ARAP2: variants seen among roughly 807,000 people sequenced by gnomAD.
ARAP2 encodes ArfGAP with RhoGAP domain, ankyrin repeat and PH domain 2, also known as arf-GAP with Rho-GAP domain, ANK repeat and PH domain-containing protein 2.
A neutral mutation model predicts 194.5 loss-of-function variants in ARAP2; 148 were observed. The observed-to-expected ratio is 0.76, with a 90% confidence interval of 0.67 to 0.87. ARAP2 has a LOEUF of 0.87. Ranked by LOEUF, ARAP2 falls within the 40% of genes least tolerant of loss-of-function variation. The pLI is 0.00. For synonymous variants in ARAP2, 695 were observed against 683.5 expected (o/e 1.02, Z -0.26); for missense variants, 2,128 against 1,989.7 (o/e 1.07, Z -1.32).
intron 16 of ARAP2, among the ~76,000 whole-genome samples, chr4:36,148,889 T>C (rs1730282211): frequency 6.6e-6 from 1 of 152,088 alleles, no homozygotes; most frequent in Admixed American, 6.6e-5. Context: ...ACCCTCTTCT[T>C]TTCTAACTTC....
intron 3 of ARAP2, among the ~76,000 whole-genome samples, 189 bp from the exon 4 acceptor site, chr4:36,213,508 C>T (rs1747226197): frequency 6.6e-6 from 1 of 152,098 alleles, no homozygotes; most frequent in African/African-American, 2.4e-5. Flanking sequence ...ATATAACACA[C>T]ATGGTATCCA....
intron 15 of ARAP2, among the ~76,000 whole-genome samples, chr4:36,156,978 T>C (rs1732714308): frequency 6.6e-6 from 1 of 152,238 alleles, no homozygotes; most frequent in African/African-American, 2.4e-5. Flanking sequence ...TAGTTACAAT[T>C]GTTTATTACA....
In ARAP2 at chr4:36,210,427, CCTT is replaced by C. The variant is rs1560675865; in HGVS notation, c.1447_1449del (p.Lys483del). The C allele has an allele frequency of 1.2e-6, 2 of 1,613,274 alleles. No homozygotes were observed. On this transcript the variant is annotated inframe_deletion, in exon 6 of 33. Transcript: ENST00000303965. The stretch of plus-strand genomic sequence containing the variant: ...AGTTTATCCAGCCATCCTGATTTAA[CCTT>C]CTTTGCAGATGCTCCATAAAAGCAG...
At chr4:36,227,278 G>A (rs1465076483) in intron 2 of ARAP2, among the ~76,000 whole-genome samples, 2 of 152,032 alleles carry the variant, frequency 1.3e-5, no homozygotes, top group Non-Finnish European at 2.9e-5. Flanking sequence ...GATAACTCCT[G>A]CAAAATTATA....
intron 2 of ARAP2, among the ~76,000 whole-genome samples, chr4:36,215,332 C>T (rs1030468707): frequency 3.3e-5 from 5 of 152,222 alleles, no homozygotes; most frequent in East Asian, 1.9e-4. Flanking sequence ...CGAAGAAATG[C>T]GGTGGAAAAA....
At chr4:36,136,819 G>A (rs1395100168) in intron 19 of ARAP2, among the ~76,000 whole-genome samples, 3 of 75,384 alleles carry the variant, frequency 4.0e-5, no homozygotes, top group Admixed American at 3.2e-4. Flanking sequence ...GTGTGTGTGT[G>A]CGTGTCTGTG....
intron 27 of ARAP2, among the ~76,000 whole-genome samples, chr4:36,103,292 C>A (rs908954549): frequency 8.6e-5 from 13 of 151,670 alleles, no homozygotes; most frequent in African/African-American, 3.1e-4. Context: ...CCATTTAGAT[C>A]ATTAAAATTT....
chr4:36,057,148 G>A (rs1488496027), intron 2 of ARAP2, among the ~76,000 whole-genome samples: 1 of 151,064 alleles, frequency 6.6e-6, no homozygotes, highest in Admixed American at 6.6e-5. Context: ...TAAGGGATAT[G>A]GAATTCTAGT....
intron 6 of ARAP2, among the ~76,000 whole-genome samples, chr4:36,199,628 C>G (rs1424242300): frequency 6.6e-6 from 1 of 152,146 alleles, no homozygotes; most frequent in African/African-American, 2.4e-5. Context: ...ACCCTTAACC[C>G]CACCTCCCAG....
chr4:36,152,955 T>C (rs1456802274), intron 15 of ARAP2, among the ~76,000 whole-genome samples: 1 of 152,166 alleles, frequency 6.6e-6, no homozygotes, highest in African/African-American at 2.4e-5. Flanking sequence ...AGTTTGTGCC[T>C]CTCTCACTTA....
chr4:36,099,043 C>A (rs1353464641), intron 27 of ARAP2, among the ~76,000 whole-genome samples: 2 of 151,716 alleles, frequency 1.3e-5, no homozygotes, highest in African/African-American at 2.4e-5. Context: ...GTGTTCCCTC[C>A]CCCTACCCTC....
At chr4:36,033,240 G>A (rs1240392740) in intron 5 of ARAP2, among the ~76,000 whole-genome samples, 1 of 152,110 alleles carries the variant, frequency 6.6e-6, no homozygotes, top group Non-Finnish European at 1.5e-5. Context: ...GCTCTTTGAG[G>A]AATTGCCATT....
downstream of ARAP2, among the ~76,000 whole-genome samples, chr4:36,064,244 G>A (rs1333023977): frequency 2.1e-5 from 3 of 142,784 alleles, no homozygotes; most frequent in Non-Finnish European, 4.5e-5. Context: ...CCTTCATTAT[G>A]CAAGCCTGAG....
intron 1 of ARAP2, among the ~76,000 whole-genome samples, chr4:36,235,723 G>A (rs1752317803): frequency 6.6e-6 from 1 of 152,190 alleles, no homozygotes; most frequent in Admixed American, 6.5e-5. Context: ...TGTTGTCTAA[G>A]TAACCAAGCT....
intron 11 of ARAP2, among the ~76,000 whole-genome samples, chr4:36,163,456 G>GA (rs1285103701): frequency 6.6e-6 from 1 of 152,120 alleles, no homozygotes; most frequent in East Asian, 1.9e-4. Flanking sequence ...ACAGTTGAGA[G>GA]AAAAGGTAGC....
intron 5 of ARAP2, among the ~76,000 whole-genome samples, chr4:36,041,751 T>C (rs978877682): frequency 6.6e-6 from 1 of 152,122 alleles, no homozygotes; most frequent in Non-Finnish European, 1.5e-5. Context: ...CTATTCAAAA[T>C]AGCAAAGATA....
At chr4:36,106,541 A>G (rs1162242505) in intron 27 of ARAP2, among the ~76,000 whole-genome samples, 3 of 151,972 alleles carry the variant, frequency 2.0e-5, no homozygotes, top group African/African-American at 7.2e-5. Context: ...AGAGCTCTGA[A>G]TTATGACTAT....
At chr4:36,068,360 G>A in intron 32 of ARAP2, 82 bp from the exon 33 acceptor site, 1 of 1,396,076 alleles carries the variant, frequency 7.2e-7, no homozygotes, top group Non-Finnish European at 9.5e-7. Flanking sequence ...CATAAAAGTT[G>A]ATGCTTCCTA....
intron 8 of ARAP2, among the ~76,000 whole-genome samples, chr4:36,184,408 C>T (rs918815517): frequency 6.6e-6 from 1 of 152,056 alleles, no homozygotes; most frequent in African/African-American, 2.4e-5. Context: ...ACAGTGTTTT[C>T]ACTGAAGCAA....
Sources: gnomAD v4.1 joint callset for allele counts (sites outside exome capture counted in the v4.1 genomes callset) on GRCh38, gnomAD v4.1.1 for gene constraint, MANE v1.5 for transcripts, NCBI Gene and HGNC (gene_info 2026-07-23, HGNC 2026-07-21) for gene names.